CSF2RA: variants seen among roughly 807,000 people sequenced by gnomAD.
CSF2RA encodes colony stimulating factor 2 receptor subunit alpha, also known as granulocyte-macrophage colony-stimulating factor receptor subunit alpha.
In CSF2RA, 42 loss-of-function variants were observed where a neutral mutation model predicts 51.6. The observed-to-expected ratio is 0.81, with a 90% CI of 0.64 to 1.05. The LOEUF is 1.05. Among genes scored for constraint, CSF2RA ranks in the 50% least tolerant of loss-of-function variants. The probability of loss-of-function intolerance (pLI) is 0.00; values close to 1 mark genes in which losing one functional copy is unlikely to be tolerated. For synonymous variants in CSF2RA, 222 were observed against 193.0 expected (o/e 1.15, Z -1.24); for missense variants, 530 against 501.1 (o/e 1.06, Z -0.55).
At chrX:1,284,660 A>ATTTTTTTTTTT (rs61159606) in intron 3 of CSF2RA, among the ~76,000 whole-genome samples, 1 of 24,466 alleles carries the variant, frequency 4.1e-5, no homozygotes, top group African/African-American at 1.7e-4. Flanking sequence ...CTAGTTTTTG[A>ATTTTTTTTTTT]TTTTTTTTTT....
chrX:1,303,512 TG>T (rs1471820112), intron 10 of CSF2RA: 1 of 494,458 alleles, frequency 2.0e-6, no homozygotes, highest in Non-Finnish European at 3.6e-6. Context: ...AGTGCTGGGA[TG>T]ACAGGTGTGA....
intron 3 of CSF2RA, among the ~76,000 whole-genome samples, chrX:1,283,567 C>T (rs2090308600): frequency 7.8e-6 from 1 of 127,664 alleles, no homozygotes; most frequent in African/African-American, 2.9e-5. Context: ...TCTTTCTTTC[C>T]TTCTTTCTTT....
intron 8 of CSF2RA, among the ~76,000 whole-genome samples, chrX:1,294,871 A>G (rs759131291): frequency 1.3e-5 from 1 of 78,330 alleles, no homozygotes; most frequent in Admixed American, 1.0e-4. Flanking sequence ...CAGTGTAGAC[A>G]GGAGGAGACC....
At chrX:1,309,031 C>G (rs1309165306) in intron 12 of CSF2RA, among the ~76,000 whole-genome samples, 1 of 152,018 alleles carries the variant, frequency 6.6e-6, no homozygotes, top group Non-Finnish European at 1.5e-5. Flanking sequence ...GAGTTTGAGA[C>G]CAGCCTGGCC....
At chrX:1,285,997 G>C in intron 4 of CSF2RA, 77 bp downstream of exon 4, 1 of 1,594,826 alleles carries the variant, frequency 6.3e-7, no homozygotes, top group African/African-American at 1.3e-5. Flanking sequence ...GGCCGGCTGG[G>C]CGCGGCGGCT....
At chrX:1,319,399 C>T in the CSF2RA span, among the ~76,000 whole-genome samples, 2 of 149,494 alleles carry the variant, frequency 1.3e-5, no homozygotes, top group African/African-American at 4.9e-5. Context: ...CGATCCTCCT[C>T]TCTCAGTCTC....
intron 7 of CSF2RA, among the ~76,000 whole-genome samples, chrX:1,293,494 C>G (rs778472864): frequency 1.2e-4 from 17 of 146,068 alleles, no homozygotes; most frequent in African/African-American, 4.3e-4. Flanking sequence ...GCTGGGATTA[C>G]AGGCGTGAGC....
chrX:1,290,462 A>T lies in CSF2RA; in HGVS notation c.599A>T (p.Glu200Val), dbSNP rs1161675124. The T allele has an allele frequency of 4.3e-6, 7 of 1,613,802 alleles. No individual in the cohort carries two copies. Among genetic ancestry groups the T allele is most frequent in the Non-Finnish European group, 5.9e-6 (7 of 1,179,858 alleles). ...TTTCTGGTTAACGGAACCAGCCGAGAAATTGGCATCCAATTCTTTGATTCA... is the reference window on the plus strand; with the variant it reads ...TTTCTGGTTAACGGAACCAGCCGAGTAATTGGCATCCAATTCTTTGATTCA... ...NYFLVNGTSR[E>V]IGIQFFDSLL... The change falls in exon 7 of 13, where the codon GAA (glutamate) becomes GTA (valine). Residue 200 changes from glutamate to valine, a missense_variant. By Grantham distance (121) the Glu-to-Val change is moderately radical. Transcript: ENST00000381529.
In CSF2RA at chrX:1,309,823, G is replaced by C; in HGVS notation, c.*344G>C. The C allele has an allele frequency of 1.6e-6, 1 of 610,286 alleles. No individual in the cohort carries two copies. The highest frequency in any genetic ancestry group is 2.9e-6 in the Non-Finnish European group (1 of 343,466). 37.8% of individuals were successfully genotyped at this position (610,286 alleles called of 1,614,324 possible). On this transcript the variant is annotated 3_prime_UTR_variant, in exon 13 of 13. Transcript: ENST00000381529. Reference sequence around the variant, plus strand: ...GAATTGCTTGAACCCGTGAGGCGGAGGTTGTAGTGAGCCAAGATCGCACCA... The same window carrying C: ...GAATTGCTTGAACCCGTGAGGCGGACGTTGTAGTGAGCCAAGATCGCACCA...
the CSF2RA span, among the ~76,000 whole-genome samples, chrX:1,324,088 G>A: frequency 6.6e-6 from 1 of 152,010 alleles, no homozygotes; most frequent in Non-Finnish European, 1.5e-5. Flanking sequence ...GGGAGGCTGA[G>A]GTGGGAGGAT....
chrX:1,313,500 C>T (rs1404378891), downstream of CSF2RA, among the ~76,000 whole-genome samples: 8 of 145,486 alleles, frequency 5.5e-5, no homozygotes, highest in African/African-American at 1.8e-4. Context: ...CATTTGAGGT[C>T]AGAGTTCAAA....
chrX:1,310,926 A>G (rs1439209522), downstream of CSF2RA, among the ~76,000 whole-genome samples: 1 of 151,834 alleles, frequency 6.6e-6, no homozygotes, highest in Non-Finnish European at 1.5e-5. Context: ...TTCTTTCTCT[A>G]TTTGTTCCTG....
At chrX:1,275,635 T>C (rs1459860914) in intron 2 of CSF2RA, among the ~76,000 whole-genome samples, 1 of 151,772 alleles carries the variant, frequency 6.6e-6, no homozygotes, top group African/African-American at 2.4e-5. Flanking sequence ...CTCGGCTCAC[T>C]GCAACCTCCG....
At chrX:1,304,124 C>G in intron 11 of CSF2RA, 105 bp downstream of exon 11, 1 of 1,077,634 alleles carries the variant, frequency 9.3e-7, no homozygotes, top group Non-Finnish European at 1.4e-6. Context: ...GAAACACAGC[C>G]TTGGCCGGGC....
downstream of CSF2RA, among the ~76,000 whole-genome samples, chrX:1,313,931 C>T (rs1348246466): frequency 6.6e-6 from 1 of 152,078 alleles, no homozygotes; most frequent in Admixed American, 6.6e-5. Context: ...GCAGAGGTTG[C>T]AGTGAGCCCA....
chrX:1,318,967 T>C, the CSF2RA span, among the ~76,000 whole-genome samples: 18 of 151,336 alleles, frequency 1.2e-4, no homozygotes, highest in Admixed American at 1.3e-4. Flanking sequence ...CCCCTGGTGA[T>C]GATGATCCTT....
At chrX:1,311,409 T>G (rs1213181107), downstream of CSF2RA, among the ~76,000 whole-genome samples, 1 of 150,782 alleles carries the variant, frequency 6.6e-6, no homozygotes, top group African/African-American at 2.4e-5. Flanking sequence ...TCCTGTACAG[T>G]CTGTGGAATC....
chrX:1,305,401 G>C (rs200791751), intron 11 of CSF2RA, 45 bp from the exon 12 acceptor site: 3 of 1,609,024 alleles, frequency 1.9e-6, no homozygotes, highest in African/African-American at 2.7e-5. Context: ...AGGAACTCTG[G>C]TGACCCGGGG....
the CSF2RA span, among the ~76,000 whole-genome samples, chrX:1,317,071 C>G: frequency 6.6e-6 from 1 of 151,706 alleles, no homozygotes; most frequent in Non-Finnish European, 1.5e-5. Context: ...CTCAGCCTCC[C>G]GAGTAGCTGG....
Sources: gnomAD v4.1 joint callset for allele counts (sites outside exome capture counted in the v4.1 genomes callset) on GRCh38, gnomAD v4.1.1 for gene constraint, MANE v1.5 for transcripts, NCBI Gene and HGNC (gene_info 2026-07-23, HGNC 2026-07-21) for gene names.